LRP11: variants seen among roughly 807,000 people sequenced by gnomAD.
LRP11 encodes low-density lipoprotein receptor-related protein 11.
A neutral mutation model predicts 43.1 loss-of-function variants in LRP11; 25 were observed. The ratio of observed to expected loss-of-function variants is 0.58; its 90% CI spans 0.42 to 0.81. The LOEUF (loss-of-function observed/expected upper bound fraction) is 0.81. LRP11 is among the 30% of genes least tolerant of loss of function. The probability of loss-of-function intolerance (pLI) is 0.00; values close to 1 mark genes in which losing one functional copy is unlikely to be tolerated. For synonymous variants in LRP11, 316 were observed against 299.4 expected (o/e 1.06, Z -0.57); for missense variants, 623 against 665.1 (o/e 0.94, Z 0.70).
intron 4 of LRP11, 112 bp from the exon 5 acceptor site, chr6:149,836,409 C>T: frequency 1.2e-6 from 1 of 866,976 alleles, no homozygotes; most frequent in Non-Finnish European, 1.8e-6. Context: ...ATGTAACAGC[C>T]CACTCATCTA....
intron 5 of LRP11, among the ~76,000 whole-genome samples, chr6:149,835,821 GT>G (rs1290630990): frequency 2.0e-5 from 3 of 152,032 alleles, no homozygotes; most frequent in Non-Finnish European, 2.9e-5. Context: ...TTGGGTATTG[GT>G]TTACGTAAGC....
chr6:149,846,045 G>A (rs1424455022), intron 2 of LRP11, among the ~76,000 whole-genome samples: 2 of 152,136 alleles, frequency 1.3e-5, no homozygotes, highest in Non-Finnish European at 2.9e-5. Flanking sequence ...CTGAGCTCTG[G>A]GAAGACCAGG....
At chr6:149,861,307 C>T (rs933054724) in intron 1 of LRP11, among the ~76,000 whole-genome samples, 10 of 152,152 alleles carry the variant, frequency 6.6e-5, no homozygotes, top group African/African-American at 2.2e-4. Context: ...GAACCTGAGC[C>T]GCACCTTCCG....
Position 149,827,129 on chromosome 6 carries a change from G to A in LRP11, c.1253-770C>T, listed in dbSNP as rs137908559. 0.03 allele frequency among the ~76,000 whole-genome samples: 4,572 copies of A among 151,908 alleles called. 106 individuals are homozygous for A. The highest frequency in any genetic ancestry group is 0.042 in the Non-Finnish European group (2,862 of 67,966). ...TTACAGGTGCGTGCCACCATGCCTC[G>A]CTAATTTTTGTATTTTTAGTAGAGA... is the stretch of plus-strand genomic sequence containing the variant. On this transcript the variant is annotated intron_variant, in intron 5 of 6. Coordinates refer to ENST00000239367, the MANE Select transcript of LRP11 (RefSeq NM_032832.6). The surrounding 1 kb of genome is among the most constrained non-coding windows in gnomAD (Gnocchi z 4.2).
chr6:149,862,411 GTC>G (rs1324782235), intron 1 of LRP11, among the ~76,000 whole-genome samples: 1 of 152,140 alleles, frequency 6.6e-6, no homozygotes, highest in African/African-American at 2.4e-5. Context: ...CACAATCAAG[GTC>G]TCTTATTCCC....
intron 1 of LRP11, among the ~76,000 whole-genome samples, chr6:149,859,897 T>C (rs1776865290): frequency 6.6e-6 from 1 of 152,198 alleles, no homozygotes; most frequent in South Asian, 2.1e-4. Context: ...TGGAGTAATC[T>C]ATGGCTTAAT....
Position 149,840,055 on chromosome 6 carries a change from A to G in LRP11, c.914-2592T>C, listed in dbSNP as rs554574655. Among the ~76,000 whole-genome samples, 3 of 152,306 alleles carry G rather than the reference A, an allele frequency of 2.0e-5. No homozygotes were observed. The South Asian group carries it at 6.2e-4, about 32-fold the overall frequency. On this transcript the variant is annotated intron_variant, in intron 3 of 6. Transcript: ENST00000239367. Reference sequence around the variant, plus strand: ...GGCTTGCTGTTTGATCATTTTTCTAAGCATGAAAAATGTTCAAAATGTCAA... The same window carrying G: ...GGCTTGCTGTTTGATCATTTTTCTAGGCATGAAAAATGTTCAAAATGTCAA...
At chr6:149,858,440 T>C (rs1239770085) in intron 1 of LRP11, among the ~76,000 whole-genome samples, 1 of 152,232 alleles carries the variant, frequency 6.6e-6, no homozygotes, top group East Asian at 1.9e-4. Flanking sequence ...TAATCCAGTC[T>C]ATTATTAATG....
At chr6:149,829,093 C>G (rs1255738783) in intron 5 of LRP11, among the ~76,000 whole-genome samples, 1 of 152,110 alleles carries the variant, frequency 6.6e-6, no homozygotes, top group Non-Finnish European at 1.5e-5. Context: ...GCTAAGTTAC[C>G]TAAAAACCAC....
chr6:149,830,977 T>A (rs1428409380), intron 5 of LRP11, among the ~76,000 whole-genome samples: 1 of 152,220 alleles, frequency 6.6e-6, no homozygotes, highest in Non-Finnish European at 1.5e-5. Flanking sequence ...GATTTCAGCA[T>A]AAGGAACGCC....
At chr6:149,858,845 T>G (rs1366403237) in intron 1 of LRP11, among the ~76,000 whole-genome samples, 1 of 152,228 alleles carries the variant, frequency 6.6e-6, no homozygotes, top group African/African-American at 2.4e-5. Flanking sequence ...TAAACATGTT[T>G]TGCTCATACG....
In LRP11 at chr6:149,864,069, G is replaced by A; in HGVS notation, c.-49C>T. 7.9e-6 allele frequency: 10 copies of A among 1,258,406 alleles called. No homozygotes were observed. The highest frequency in any genetic ancestry group is 1.0e-5 in the Non-Finnish European group (10 of 1,004,388). The allele number at this position is 1,258,406 out of a possible 1,614,324, so 78.0% of individuals were successfully genotyped here. ...AGCCGAGGCGGGGCTGAGCGCGGGA[G>A]GAAGGCGGGGACGCGGGCGAGCGCG... is the stretch of plus-strand genomic sequence containing the variant. On this transcript the variant is annotated 5_prime_UTR_variant, in exon 1 of 7. Transcript: ENST00000239367.
intron 1 of LRP11, among the ~76,000 whole-genome samples, chr6:149,859,394 A>ATTTTTTTTTTTTTTTTTTTTTT (rs1194880373): frequency 1.4e-5 from 1 of 73,874 alleles, no homozygotes; most frequent in African/African-American, 8.9e-5. Context: ...ATATATATAT[A>ATTTTTTTTTTTTTTTTTTTTTT]TATTTTTTTT....
In LRP11 at chr6:149,820,246, TA is replaced by T. The variant is rs1776259170; in HGVS notation, c.*302del. The T allele has an allele frequency of 4.1e-6, 1 of 242,894 alleles. No homozygotes were observed. The highest frequency in any genetic ancestry group is 8.0e-6 in the Non-Finnish European group (1 of 125,678). The allele number at this position is 242,894 out of a possible 1,614,324, so 15.0% of individuals were successfully genotyped here. ...TAATGGGTTAACACAGTCATCCTAA[TA>T]CCACCTCCTGAGATGCTGAATTTTC... On this transcript the variant is annotated 3_prime_UTR_variant, in exon 7 of 7. Coordinates refer to ENST00000239367, the MANE Select transcript of LRP11 (RefSeq NM_032832.6).
chr6:149,832,939 G>A (rs1355312530), intron 5 of LRP11, among the ~76,000 whole-genome samples: 3 of 152,274 alleles, frequency 2.0e-5, no homozygotes, highest in Admixed American at 2.0e-4. Flanking sequence ...CTCCCGAGTA[G>A]CTGGGACCAC....
At chr6:149,854,170 G>A (rs1776764803) in intron 1 of LRP11, among the ~76,000 whole-genome samples, 1 of 152,148 alleles carries the variant, frequency 6.6e-6, no homozygotes, top group African/African-American at 2.4e-5. Context: ...TATCACCCAG[G>A]CTGGTGCACG....
intron 3 of LRP11, among the ~76,000 whole-genome samples, chr6:149,839,339 AG>A (rs1776515516): frequency 6.6e-6 from 1 of 152,170 alleles, no homozygotes; most frequent in Non-Finnish European, 1.5e-5. Context: ...CTGCGGAAGA[AG>A]AGGAAGCAAA....
chr6:149,827,230 G>C lies in LRP11; in HGVS notation c.1253-871C>G, dbSNP rs966080563. ...GCCTCCCAAAGTGCTGGGATGACAG[G>C]CGTGAGCCACCATGCCCAGCCTTAA... On this transcript the variant is annotated intron_variant, in intron 5 of 6. Transcript: ENST00000239367. This position sits in a 1 kb window ranked among gnomAD's most constrained non-coding sequence, Gnocchi z 4.2. 1.3e-5 allele frequency among the ~76,000 whole-genome samples: 2 copies of C among 152,130 alleles called. No individual in the cohort carries two copies. Among genetic ancestry groups the C allele is most frequent in the Non-Finnish European group, 2.9e-5 (2 of 68,018 alleles).
intron 3 of LRP11, among the ~76,000 whole-genome samples, chr6:149,837,931 T>C (rs1301044656): frequency 6.6e-6 from 1 of 152,176 alleles, no homozygotes; most frequent in East Asian, 1.9e-4. Context: ...TTTATTTACT[T>C]ACTTAAGACA....
Sources: allele counts gnomAD v4.1 joint callset (sites outside exome capture counted in the v4.1 genomes callset), GRCh38; gene constraint gnomAD v4.1.1; non-coding constraint Gnocchi (gnomAD v3.1); transcripts MANE v1.5; gene names NCBI Gene and HGNC (gene_info 2026-07-23, HGNC 2026-07-21).